The following RNF220 variants were observed in gnomAD, a reference collection of about 807,000 sequenced individuals.
The protein encoded by RNF220 is E3 ubiquitin-protein ligase RNF220.
A neutral mutation model predicts 67.1 loss-of-function variants in RNF220; 7 were observed. That is an observed-to-expected ratio of 0.10 (90% CI 0.06 to 0.20). RNF220 has a LOEUF of 0.20. Among genes scored for constraint, RNF220 ranks in the 10% least tolerant of loss-of-function variants. The pLI is 1.00. For missense variants in RNF220, 565 were observed against 740.3 expected (o/e 0.76, Z 2.75); for synonymous variants, 270 against 283.2 (o/e 0.95, Z 0.47).
At position 44,565,777 on chromosome 1, in the gene RNF220, G is replaced by A. The variant is rs1663954278; in HGVS notation, c.626-48388G>A. Among the ~76,000 whole-genome samples, 1 of 152,118 alleles carries A rather than the reference G, an allele frequency of 6.6e-6. No homozygotes were observed. The highest frequency in any genetic ancestry group is 2.4e-5 in the African/African-American group (1 of 41,400). Reference sequence around the variant, plus strand: ...CACTGCCTTCCCTGCCCCTCCCTGGGTGCCAATGGGACTGGATCTGGAGAC... The same window carrying A: ...CACTGCCTTCCCTGCCCCTCCCTGGATGCCAATGGGACTGGATCTGGAGAC... On this transcript the variant is annotated intron_variant, in intron 2 of 14. Transcript: ENST00000361799. The surrounding 1 kb of genome is among the most constrained non-coding windows in gnomAD (Gnocchi z 4.2).
At position 44,421,171 on chromosome 1, in the gene RNF220, T is replaced by A. The variant is rs555741440; in HGVS notation, c.625+8449T>A. Among the ~76,000 whole-genome samples the A allele has an allele frequency of 1.5e-3, 234 of 152,292 alleles. 1 individual carries two copies. Among genetic ancestry groups the A allele is most frequent in the African/African-American group, 5.1e-3 (212 of 41,554 alleles). The stretch of plus-strand genomic sequence containing the variant: ...TAATAGTCGAGTTAGAGAAACTGAG[T>A]CTGGGAGTCGGGAGAGGATTTGACT... On this transcript the variant is annotated intron_variant, in intron 2 of 14. Transcript: ENST00000361799.
chr1:44,488,425 G>A (rs901116496), intron 2 of RNF220, among the ~76,000 whole-genome samples: 2 of 151,832 alleles, frequency 1.3e-5, no homozygotes, highest in South Asian at 2.1e-4. Context: ...CACCACACCC[G>A]GCCATGCCCT....
At chr1:44,421,154 G>C (rs926973927) in intron 2 of RNF220, among the ~76,000 whole-genome samples, 4 of 152,132 alleles carry the variant, frequency 2.6e-5, no homozygotes, top group African/African-American at 9.7e-5. Flanking sequence ...GGTAATAGTC[G>C]AGTTAGAGAA....
chr1:44,529,500 G>A (rs1242818093), intron 2 of RNF220, among the ~76,000 whole-genome samples: 9 of 152,028 alleles, frequency 5.9e-5, no homozygotes, highest in Admixed American at 3.9e-4. Flanking sequence ...TCAGCCACTC[G>A]AGTAGCTGGA....
At chr1:44,509,884 CCAAAAA>C (rs138237828) in intron 2 of RNF220, among the ~76,000 whole-genome samples, 19,927 of 79,496 alleles carry the variant, frequency 0.25, 1,470 homozygotes, top group Middle Eastern at 0.42. Flanking sequence ...GAGACCCTGT[CCAAAAA>C]AAAAAAAAAA....
intron 2 of RNF220, among the ~76,000 whole-genome samples, chr1:44,575,978 G>T (rs533693147): frequency 2.6e-4 from 40 of 152,332 alleles, no homozygotes; most frequent in Non-Finnish European, 1.3e-4. Flanking sequence ...CGAGGACATG[G>T]TCCCTGCCCT....
At chr1:44,499,743 A>C (rs1657662915) in intron 2 of RNF220, among the ~76,000 whole-genome samples, 2 of 146,202 alleles carry the variant, frequency 1.4e-5, no homozygotes, top group Admixed American at 1.3e-4. Flanking sequence ...CACCAACTCC[A>C]CTGCTTACTG....
At chr1:44,596,822 C>T (rs58422299) in intron 2 of RNF220, among the ~76,000 whole-genome samples, 5,355 of 152,228 alleles carry the variant, frequency 0.035, 337 homozygotes, top group African/African-American at 0.12. Context: ...CCCTCTAGTC[C>T]GCTCTCAACT....
chr1:44,649,769 G>A lies in RNF220; in HGVS notation c.1554G>A (p.Met518Ile). 3 of 1,614,016 alleles carry A rather than the reference G, an allele frequency of 1.9e-6. No homozygotes were observed. Among genetic ancestry groups the A allele is most frequent in the Non-Finnish European group, 1.7e-6 (2 of 1,179,928 alleles). ...ACCGTTACAAATGCCTCATCTGCAT[G>A]GTGAGTAGAAAAGAACCTAGGGGTG... is the stretch of plus-strand genomic sequence containing the variant. ...RGDRYKCLIC[M>I]DSYSMPLTSI... Residue 518 changes from methionine (M) to isoleucine (I), a missense_variant and splice_region_variant, in exon 13 of 15, where the codon ATG (methionine) becomes ATA (isoleucine). Coordinates refer to ENST00000361799, the MANE Select transcript of RNF220 (RefSeq NM_018150.4). The surrounding 1 kb of genome is among the most constrained non-coding windows in gnomAD (Gnocchi z 5.9).
chr1:44,453,761 A>G (rs991489459), intron 2 of RNF220, among the ~76,000 whole-genome samples: 2 of 152,032 alleles, frequency 1.3e-5, no homozygotes, highest in Non-Finnish European at 2.9e-5. Flanking sequence ...ATCTTTGTCT[A>G]TTTTTTATAT....
rs1447066909 is a variant in RNF220, at chr1:44,645,797, G to A, written c.1445+309G>A. On this transcript the variant is annotated intron_variant, in intron 12 of 14. Coordinates refer to ENST00000361799, the MANE Select transcript of RNF220 (RefSeq NM_018150.4). The surrounding 1 kb of genome is among the most constrained non-coding windows in gnomAD (Gnocchi z 5.0). Reference sequence around the variant, plus strand: ...TGATGTATGGCCGCCCAGCCCAGCCGGCACACTTGATTCATCTCCAGTTTC... The same window carrying A: ...TGATGTATGGCCGCCCAGCCCAGCCAGCACACTTGATTCATCTCCAGTTTC... 2.0e-5 allele frequency among the ~76,000 whole-genome samples: 3 copies of A among 152,264 alleles called. No homozygotes were observed. Among genetic ancestry groups the A allele is most frequent in the South Asian group, 2.1e-4 (1 of 4,838 alleles).
chr1:44,405,407 G>A lies in RNF220; in HGVS notation c.-241G>A. On this transcript the variant is annotated 5_prime_UTR_variant, in exon 1 of 15. Coordinates refer to ENST00000361799, the MANE Select transcript of RNF220 (RefSeq NM_018150.4). ...TGCTGCTGCTGCTGCCGCTGCCGCC[G>A]CCGCCGCCGCCGCTGCCTCCGCCGG... 4.8e-6 allele frequency: 3 copies of A among 631,010 alleles called. No individual in the cohort carries two copies. The highest frequency in any genetic ancestry group is 3.7e-5 in the African/African-American group (2 of 53,344). 39.1% of individuals were successfully genotyped at this position (631,010 alleles called of 1,614,324 possible).
intron 2 of RNF220, among the ~76,000 whole-genome samples, chr1:44,517,846 C>G (rs1659577984): frequency 6.6e-6 from 1 of 152,260 alleles, no homozygotes; most frequent in African/African-American, 2.4e-5. Context: ...GTGGTCCACA[C>G]CTGTAATCCC....
In RNF220 at chr1:44,484,929, G is replaced by A. The variant is rs138572812; in HGVS notation, c.625+72207G>A. ...GAGGCCAAGGCAGGTGGATCACAAG[G>A]TCAGGAGATCGAGGCCATCCTGGCT... On this transcript the variant is annotated intron_variant, in intron 2 of 14. Coordinates refer to ENST00000361799, the MANE Select transcript of RNF220 (RefSeq NM_018150.4). Among the ~76,000 whole-genome samples, 124 of 152,288 alleles carry A rather than the reference G, an allele frequency of 8.1e-4. 2 individuals are homozygous for A. Among genetic ancestry groups the A allele is most frequent in the Admixed American group, 2.4e-3 (37 of 15,302 alleles).
intron 8 of RNF220, among the ~76,000 whole-genome samples, chr1:44,642,165 T>C (rs1459831909): frequency 1.3e-5 from 2 of 152,070 alleles, no homozygotes; most frequent in Non-Finnish European, 2.9e-5. Flanking sequence ...ACAGTGACAA[T>C]AGGTGGTAAT....
At chr1:44,507,956 G>A (rs1469532782) in intron 2 of RNF220, among the ~76,000 whole-genome samples, 1 of 152,186 alleles carries the variant, frequency 6.6e-6, no homozygotes. Flanking sequence ...GGAGGCGATG[G>A]AGTGGTGGAG....
chr1:44,418,577 T>A (rs969977863), intron 2 of RNF220, among the ~76,000 whole-genome samples: 5 of 151,928 alleles, frequency 3.3e-5, no homozygotes, highest in Non-Finnish European at 7.4e-5. Context: ...CGGGAAGTTT[T>A]CCGGGGCTGC....
intron 2 of RNF220, among the ~76,000 whole-genome samples, chr1:44,553,068 C>G (rs914132324): frequency 1.3e-5 from 2 of 152,136 alleles, no homozygotes; most frequent in East Asian, 1.9e-4. Context: ...TCTTCCTCCC[C>G]CTGTCAACTC....
chr1:44,406,439 C>T (rs1282133142), intron 1 of RNF220, among the ~76,000 whole-genome samples: 1 of 152,250 alleles, frequency 6.6e-6, no homozygotes, highest in African/African-American at 2.4e-5. Context: ...CTGAGCAAGG[C>T]GGGAGGACGA....
Sources: gnomAD v4.1 joint callset for allele counts (sites outside exome capture counted in the v4.1 genomes callset) on GRCh38, gnomAD v4.1.1 for gene constraint, Gnocchi (gnomAD v3.1) non-coding constraint, MANE v1.5 for transcripts, NCBI Gene and HGNC (gene_info 2026-07-23, HGNC 2026-07-21) for gene names.